ITGA9: variants seen among roughly 807,000 people sequenced by gnomAD.
ITGA9 encodes integrin alpha-9.
Under a neutral mutation model 127.8 loss-of-function variants are expected in ITGA9, and 56 were observed. The observed-to-expected ratio is 0.44, with a 90% CI of 0.35 to 0.55. The LOEUF (loss-of-function observed/expected upper bound fraction) is 0.55. ITGA9 is among the 20% of genes least tolerant of loss of function. The probability of loss-of-function intolerance (pLI) is 0.00; values close to 1 mark genes in which losing one functional copy is unlikely to be tolerated. For synonymous variants in ITGA9, 508 were observed against 514.5 expected, an observed-to-expected ratio of 0.99 and a Z score of 0.17; for missense variants, 1,196 against 1,347.1, an observed-to-expected ratio of 0.89 and a Z score of 1.76.
At chr3:37,471,329 A>G (rs998293979) in intron 2 of ITGA9, among the ~76,000 whole-genome samples, 195 bp downstream of exon 2, 1 of 152,196 alleles carries the variant, frequency 6.6e-6, no homozygotes, top group Non-Finnish European at 1.5e-5. Context: ...CAAAAAAAAC[A>G]AGGATGCTGC....
chr3:37,774,947 G>C (rs781464930), intron 23 of ITGA9, among the ~76,000 whole-genome samples: 1 of 152,016 alleles, frequency 6.6e-6, no homozygotes, highest in Non-Finnish European at 1.5e-5. Context: ...AAATTTTGGT[G>C]GTCTTGTTTT....
Position 37,628,870 on chromosome 3 carries a change from C to T in ITGA9, c.1690-317C>T, listed in dbSNP as rs1192219635. On this transcript the variant is annotated intron_variant, in intron 15 of 27. Coordinates refer to ENST00000264741, the MANE Select transcript of ITGA9 (RefSeq NM_002207.3). Reference sequence around the variant, plus strand: ...GTGAGCACAGATGTTCTCCCATTTGCCAACTGGTTTCTAAGAATATTTGGA... The same window carrying T: ...GTGAGCACAGATGTTCTCCCATTTGTCAACTGGTTTCTAAGAATATTTGGA... Among the ~76,000 whole-genome samples the T allele has an allele frequency of 2.0e-5, 3 of 152,132 alleles. No individual in the cohort carries two copies. The East Asian group carries it at 5.8e-4, about 29-fold the overall frequency.
intron 1 of ITGA9, among the ~76,000 whole-genome samples, chr3:37,456,828 C>T (rs1040890194): frequency 6.6e-6 from 1 of 152,198 alleles, no homozygotes; most frequent in Non-Finnish European, 1.5e-5. Context: ...GGTGAGCTGT[C>T]TGATGTAGTC....
intron 6 of ITGA9, among the ~76,000 whole-genome samples, 188 bp downstream of exon 6, chr3:37,503,495 C>T (rs1403955030): frequency 6.6e-6 from 1 of 152,108 alleles, no homozygotes; most frequent in Non-Finnish European, 1.5e-5. Flanking sequence ...GAGAGGAAAA[C>T]CAAGGAGGGA....
intron 15 of ITGA9, among the ~76,000 whole-genome samples, chr3:37,575,038 G>C (rs1296463041): frequency 6.6e-6 from 1 of 152,146 alleles, no homozygotes; most frequent in African/African-American, 2.4e-5. Flanking sequence ...TAGGGTGGGA[G>C]CAGCTATACA....
At chr3:37,637,932 C>G (rs555341795) in intron 16 of ITGA9, among the ~76,000 whole-genome samples, 11 of 152,282 alleles carry the variant, frequency 7.2e-5, no homozygotes, top group Admixed American at 3.3e-4. Context: ...CTTGACCTCC[C>G]AAAGTGTTGG....
chr3:37,503,433 C>A, intron 6 of ITGA9, 126 bp downstream of exon 6: 1 of 1,063,136 alleles, frequency 9.4e-7, no homozygotes, highest in Non-Finnish European at 1.4e-6. Flanking sequence ...GTTCTAATGA[C>A]TTACATCTTT....
chr3:37,742,963 C>G (rs558821349), intron 21 of ITGA9, among the ~76,000 whole-genome samples: 1 of 152,290 alleles, frequency 6.6e-6, no homozygotes, highest in Non-Finnish European at 1.5e-5. Context: ...ATACCCAGAA[C>G]CAAGCCCTAT....
intron 27 of ITGA9, among the ~76,000 whole-genome samples, chr3:37,805,017 C>T (rs1575246178): frequency 1.3e-5 from 2 of 151,972 alleles, no homozygotes; most frequent in East Asian, 1.9e-4. Flanking sequence ...CAGTAATATA[C>T]TCAGCATATT....
At chr3:37,500,601 A>G (rs897070826) in intron 5 of ITGA9, among the ~76,000 whole-genome samples, 1 of 151,820 alleles carries the variant, frequency 6.6e-6, no homozygotes, top group Non-Finnish European at 1.5e-5. Flanking sequence ...TTCTTTAGGT[A>G]CTTCTGGCTT....
At chr3:37,522,535 G>A (rs965293225) in intron 11 of ITGA9, among the ~76,000 whole-genome samples, 3 of 152,006 alleles carry the variant, frequency 2.0e-5, no homozygotes, top group African/African-American at 7.2e-5. Context: ...AAACCACCTT[G>A]GGCAACATGG....
intron 26 of ITGA9, among the ~76,000 whole-genome samples, chr3:37,788,018 AATT>A (rs1697062657): frequency 6.6e-6 from 1 of 152,246 alleles, no homozygotes; most frequent in African/African-American, 2.4e-5. Flanking sequence ...TTCTTAAAAC[AATT>A]ATTGTATTGA....
chr3:37,492,069 G>T (rs1398674786), intron 4 of ITGA9, among the ~76,000 whole-genome samples: 1 of 152,224 alleles, frequency 6.6e-6, no homozygotes, highest in Non-Finnish European at 1.5e-5. Context: ...CCCAAAGTGT[G>T]TGTGGCAGGG....
chr3:37,818,422 C>A, intron 27 of ITGA9: 1 of 175,446 alleles, frequency 5.7e-6, no homozygotes, highest in African/African-American at 2.4e-5. Context: ...ACCACCATGC[C>A]CAGCTAATTT....
chr3:37,657,478 A>C (rs1486844103), intron 17 of ITGA9, among the ~76,000 whole-genome samples: 1 of 152,090 alleles, frequency 6.6e-6, no homozygotes, highest in Non-Finnish European at 1.5e-5. Flanking sequence ...TTATTTGCAT[A>C]GAAGTGTTTA....
chr3:37,672,400 T>C (rs937913533), intron 17 of ITGA9, among the ~76,000 whole-genome samples: 11 of 152,212 alleles, frequency 7.2e-5, no homozygotes, highest in African/African-American at 2.7e-4. Flanking sequence ...CTCTCTTGCC[T>C]GCCACCATGT....
intron 18 of ITGA9, among the ~76,000 whole-genome samples, chr3:37,713,815 G>A (rs1294762297): frequency 1.3e-5 from 2 of 152,224 alleles, no homozygotes; most frequent in East Asian, 1.9e-4. Context: ...ACAGCCACAC[G>A]GCTGTTTCTG....
intron 1 of ITGA9, among the ~76,000 whole-genome samples, chr3:37,460,925 G>A (rs1377349136): frequency 1.3e-5 from 2 of 152,018 alleles, no homozygotes; most frequent in South Asian, 2.1e-4. Context: ...AAAAAATCAC[G>A]GAACAAATTT....
At chr3:37,798,491 G>A (rs957577287) in intron 26 of ITGA9, among the ~76,000 whole-genome samples, 8 of 152,186 alleles carry the variant, frequency 5.3e-5, no homozygotes, top group African/African-American at 1.9e-4. Context: ...TGAAATCTAG[G>A]CTCTCAGGCC....
Sources: allele counts gnomAD v4.1 joint callset (sites outside exome capture counted in the v4.1 genomes callset), GRCh38; gene constraint gnomAD v4.1.1; transcripts MANE v1.5; gene names NCBI Gene and HGNC (gene_info 2026-07-23, HGNC 2026-07-21).